NDUFB6: variants seen among roughly 807,000 people sequenced by gnomAD.
NDUFB6 encodes the protein NADH:ubiquinone oxidoreductase subunit B6.
Under a neutral mutation model 17.5 loss-of-function variants are expected in NDUFB6, and 23 were observed. That is an observed-to-expected ratio of 1.31 (90% confidence interval 0.94 to 1.86). The LOEUF (loss-of-function observed/expected upper bound fraction) is 1.86, where lower values mean the gene tolerates loss of function less well. Ranked by LOEUF, NDUFB6 falls within the 40% of genes most tolerant of loss-of-function variation. The pLI is 0.00. For missense variants in NDUFB6, 167 were observed against 153.8 expected (o/e 1.09, Z -0.46); for synonymous variants, 60 against 53.5 (o/e 1.12, Z -0.53).
At chr9:32,561,837 C>T (rs992151232) in intron 2 of NDUFB6, among the ~76,000 whole-genome samples, 1 of 152,218 alleles carries the variant, frequency 6.6e-6, no homozygotes, top group Non-Finnish European at 1.5e-5. Context: ...TTCACCCTAA[C>T]CAGATTCTCA....
At chr9:32,562,928 T>C (rs1208701125) in intron 2 of NDUFB6, among the ~76,000 whole-genome samples, 1 of 152,246 alleles carries the variant, frequency 6.6e-6, no homozygotes, top group Non-Finnish European at 1.5e-5. Context: ...GAATTGCATT[T>C]AGTTGGCATA....
At chr9:32,567,436 C>T in intron 2 of NDUFB6, 1 of 455,450 alleles carries the variant, frequency 2.2e-6, no homozygotes, top group South Asian at 1.6e-5. Flanking sequence ...TCAAGGGATT[C>T]TCCTGCCTCA....
At chr9:32,558,416 T>C (rs1435201103) in intron 3 of NDUFB6, among the ~76,000 whole-genome samples, 2 of 152,160 alleles carry the variant, frequency 1.3e-5, no homozygotes, top group Non-Finnish European at 2.9e-5. Flanking sequence ...TGGCCCATAG[T>C]ATAAAATTTA....
Position 32,569,963 on chromosome 9 carries a change from C to T in NDUFB6, c.273+997G>A, listed in dbSNP as rs569388315. On this transcript the variant is annotated intron_variant, in intron 2 of 3. Transcript: ENST00000379847. ...GTAACTCGTTTTGGTGGTCTAGAAC[C>T]AAAGAATACTTTTGGAACTGCATTG... Among the ~76,000 whole-genome samples, 143 of 152,270 alleles carry T rather than the reference C, an allele frequency of 9.4e-4. 1 individual carries two copies. The highest frequency in any genetic ancestry group is 1.3e-3 in the Non-Finnish European group (87 of 68,028).
chr9:32,567,480 C>G, intron 2 of NDUFB6: 2 of 429,486 alleles, frequency 4.7e-6, no homozygotes, highest in Non-Finnish European at 9.4e-6. Context: ...AGACGTGCAC[C>G]AAGCCCGGCT....
intron 2 of NDUFB6, among the ~76,000 whole-genome samples, chr9:32,560,213 G>T (rs1587641142): frequency 6.6e-6 from 1 of 152,300 alleles, no homozygotes; most frequent in Non-Finnish European, 1.5e-5. Context: ...GAAAAAGTAA[G>T]GTAAGTGAGT....
intron 2 of NDUFB6, chr9:32,568,503 G>T: frequency 5.0e-6 from 1 of 198,120 alleles, no homozygotes; most frequent in South Asian, 1.1e-4. Flanking sequence ...GCAGCGGCAT[G>T]GTTTGAAAGG....
chr9:32,556,701 T>G (rs1255635504), intron 3 of NDUFB6, among the ~76,000 whole-genome samples: 1 of 152,104 alleles, frequency 6.6e-6, no homozygotes, highest in African/African-American at 2.4e-5. Context: ...CAAAATAAAT[T>G]AACATTTAAA....
At chr9:32,571,167 G>A (rs995222416) in intron 1 of NDUFB6, 115 bp from the exon 2 acceptor site, 16 of 696,246 alleles carry the variant, frequency 2.3e-5, no homozygotes, top group Admixed American at 6.5e-5. Context: ...ACTCTAAATG[G>A]CACATATTTT....
intron 3 of NDUFB6, among the ~76,000 whole-genome samples, chr9:32,557,045 A>G (rs2119002358): frequency 6.7e-6 from 1 of 149,374 alleles, no homozygotes; most frequent in South Asian, 2.1e-4. Context: ...AATAGTAGAG[A>G]TGGAGTTTCA....
intron 2 of NDUFB6, among the ~76,000 whole-genome samples, chr9:32,565,861 A>G (rs1196874505): frequency 4.6e-5 from 7 of 152,110 alleles, no homozygotes; most frequent in Non-Finnish European, 1.0e-4. Context: ...AATCCTAGCT[A>G]CTTGGGAGGT....
chr9:32,563,491 C>CTTTTTTTTTTTTTTTTT lies in NDUFB6; in HGVS notation c.274-4538_274-4537insAAAAAAAAAAAAAAAAA, dbSNP rs111646430. The stretch of plus-strand genomic sequence containing the variant: ...CTCCTGAACAGGTGGGACTATTGGG[C>CTTTTTTTTTTTTTTTTT]TTTTTTTTTTTTTGGAGGGATGGGG... On this transcript the variant is annotated intron_variant, in intron 2 of 3. Transcript: ENST00000379847. 3.0e-3 allele frequency among the ~76,000 whole-genome samples: 275 copies of CTTTTTTTTTTTTTTTTT among 91,906 alleles called. 44 individuals carry two copies. The Middle Eastern group carries it at 0.033, about 11-fold the overall frequency. 60.3% of individuals were successfully genotyped at this position (91,906 alleles called of 152,430 possible).
chr9:32,567,080 G>C, intron 2 of NDUFB6: 1 of 488,178 alleles, frequency 2.0e-6, no homozygotes, highest in Non-Finnish European at 4.2e-6. Context: ...AAACTTCCTC[G>C]GGCTGCACAG....
chr9:32,570,951 C>T lies in NDUFB6; in HGVS notation c.273+9G>A. The T allele has an allele frequency of 6.5e-7, 1 of 1,537,210 alleles. No homozygotes were observed. Among genetic ancestry groups the T allele is most frequent in the Non-Finnish European group, 8.9e-7 (1 of 1,122,322 alleles). ...TATTAAAAATGAATTCTGAAAAGGACATACTTACAGAAACATGATACTTCA... is the reference window on the plus strand; with the variant it reads ...TATTAAAAATGAATTCTGAAAAGGATATACTTACAGAAACATGATACTTCA... On this transcript the variant is annotated intron_variant, in intron 2 of 3. Coordinates refer to ENST00000379847, the MANE Select transcript of NDUFB6 (RefSeq NM_002493.5).
At chr9:32,566,044 T>A in intron 2 of NDUFB6, 1 of 359,946 alleles carries the variant, frequency 2.8e-6, no homozygotes, top group Non-Finnish European at 5.1e-6. Flanking sequence ...TTTTTTAAGG[T>A]TTTTTCCAGG....
chr9:32,569,579 TCA>T (rs1821894950), intron 2 of NDUFB6, among the ~76,000 whole-genome samples: 5 of 152,214 alleles, frequency 3.3e-5, no homozygotes, highest in Admixed American at 3.3e-4. Flanking sequence ...AGTGGCACAA[TCA>T]CAGTTTATTG....
intron 3 of NDUFB6, 59 bp downstream of exon 3, chr9:32,558,851 G>A: frequency 8.5e-7 from 1 of 1,181,760 alleles, no homozygotes; most frequent in Non-Finnish European, 1.2e-6. Flanking sequence ...CTTGGAAAGG[G>A]AGGAAAAGGA....
chr9:32,565,817 C>G (rs763300166), intron 2 of NDUFB6, among the ~76,000 whole-genome samples: 11 of 152,036 alleles, frequency 7.2e-5, no homozygotes, highest in Non-Finnish European at 1.3e-4. Flanking sequence ...ACTAAAAATA[C>G]AAAAATTAGC....
In NDUFB6 at chr9:32,573,021, G is replaced by C; in HGVS notation, c.40C>G (p.Gln14Glu). The C allele has an allele frequency of 6.2e-7, 1 of 1,601,254 alleles. No individual in the cohort carries two copies. Among genetic ancestry groups the C allele is most frequent in the Non-Finnish European group, 8.5e-7 (1 of 1,173,400 alleles). The change falls in exon 1 of 4, where the codon CAG becomes GAG. Residue 14 changes from glutamine to glutamate, a missense_variant. Coordinates refer to ENST00000379847, the MANE Select transcript of NDUFB6 (RefSeq NM_002493.5). Reference sequence around the variant, plus strand: ...CATCGCCTTCTCAGCTCTCGCAGCTGCTGCAGCCGCAGTTTCTCATCCGGA... The same window carrying C: ...CATCGCCTTCTCAGCTCTCGCAGCTCCTGCAGCCGCAGTTTCTCATCCGGA... ...YTPDEKLRLQ[Q>E]LRELRRRWLK...
Sources: allele counts gnomAD v4.1 joint callset (sites outside exome capture counted in the v4.1 genomes callset), GRCh38; gene constraint gnomAD v4.1.1; transcripts MANE v1.5; gene names NCBI Gene and HGNC (gene_info 2026-07-23, HGNC 2026-07-21).